Variants in TGS1 observed in about 807,000 individuals in gnomAD.
TGS1 encodes trimethylguanosine synthase.
In TGS1, 69 loss-of-function variants were observed where a neutral mutation model predicts 92.2. The observed-to-expected ratio is 0.75, with a 90% CI of 0.62 to 0.91. The LOEUF (loss-of-function observed/expected upper bound fraction) is 0.91. Ranked by LOEUF, TGS1 falls within the 40% of genes least tolerant of loss-of-function variation. The pLI, the probability that TGS1 is intolerant of heterozygous loss-of-function variation, is 0.00. For synonymous variants in TGS1, 345 were observed against 338.1 expected, an observed-to-expected ratio of 1.02 and a Z score of -0.22; for missense variants, 1,062 against 1,001.2, an observed-to-expected ratio of 1.06 and a Z score of -0.82.
chr8:55,776,004 A>G (rs1585749502), intron 1 of TGS1, among the ~76,000 whole-genome samples: 1 of 152,160 alleles, frequency 6.6e-6, no homozygotes, highest in African/African-American at 2.4e-5. Context: ...CCTTGGATCG[A>G]TTGACTGTAG....
intron 10 of TGS1, among the ~76,000 whole-genome samples, chr8:55,805,355 G>A (rs2130200527): frequency 6.6e-6 from 1 of 152,198 alleles, no homozygotes; most frequent in Non-Finnish European, 1.5e-5. Context: ...TGAATCCCTT[G>A]TAACCTAGAT....
At position 55,805,026 on chromosome 8, in the gene TGS1, A is replaced by G; in HGVS notation, c.2133A>G (p.Thr711=). The stretch of plus-strand genomic sequence containing the variant: ...GAAATACCATTCAGTTTGCCTTAAC[A>G]GGAATGAGAGGTAATTAGCCATCAA... ...VGGNTIQFAL[T]GMRVIAIDID... The change falls in exon 10 of 13, where the codon ACA becomes ACG. Residue 711 remains threonine (T), a synonymous_variant. Coordinates refer to ENST00000260129, the MANE Select transcript of TGS1 (RefSeq NM_024831.8). 1 of 1,613,556 alleles carries G rather than the reference A, an allele frequency of 6.2e-7. No individual in the cohort carries two copies. Among genetic ancestry groups the G allele is most frequent in the East Asian group, 2.2e-5 (1 of 44,852 alleles).
intron 7 of TGS1, among the ~76,000 whole-genome samples, chr8:55,798,057 A>G (rs981877785): frequency 2.0e-5 from 3 of 152,214 alleles, no homozygotes; most frequent in African/African-American, 7.2e-5. Flanking sequence ...TGTGTTGGAT[A>G]TAATAGCCCC....
At position 55,802,530 on chromosome 8, in the gene TGS1, TC is replaced by T; in HGVS notation, c.1925del (p.Pro642LeufsTer53). 6.2e-7 allele frequency: 1 copy of T among 1,614,130 alleles called. No individual in the cohort carries two copies. The highest frequency in any genetic ancestry group is 8.5e-7 in the Non-Finnish European group (1 of 1,179,978). On this transcript the variant is annotated frameshift_variant, in exon 9 of 13. Coordinates refer to ENST00000260129, the MANE Select transcript of TGS1 (RefSeq NM_024831.8). LOFTEE classifies it high-confidence loss of function. Reference protein sequence around the residue: ...NGLPPEIAAVPELAKYWAQRY... With the variant: ...NGLPPEIAAVXELAKYWAQRY... ...GTCTGCCTCCTGAAATAGCTGCTGT[TC>T]CTGAGCTGGCAAAATACTGGGCCCA...
At chr8:55,779,867 T>C (rs1811513613) in intron 1 of TGS1, among the ~76,000 whole-genome samples, 1 of 147,242 alleles carries the variant, frequency 6.8e-6, no homozygotes, top group Non-Finnish European at 1.5e-5. Flanking sequence ...TATGTATTCT[T>C]TTTTTTCCTT....
At chr8:55,777,766 A>G (rs1198372247) in intron 1 of TGS1, among the ~76,000 whole-genome samples, 4 of 150,996 alleles carry the variant, frequency 2.6e-5, no homozygotes, top group South Asian at 2.1e-4. Context: ...AACTCCTGAC[A>G]TCAAGTGATC....
chr8:55,803,692 C>T (rs1297315129), intron 9 of TGS1, among the ~76,000 whole-genome samples: 27 of 144,132 alleles, frequency 1.9e-4, no homozygotes, highest in Non-Finnish European at 3.2e-4. Context: ...TTTTTCTTTT[C>T]TTTTTTTTTT....
At chr8:55,782,190 ATTTATTTT>A (rs1159944012) in intron 1 of TGS1, among the ~76,000 whole-genome samples, 1 of 95,686 alleles carries the variant, frequency 1.0e-5, no homozygotes, top group Admixed American at 1.1e-4. Flanking sequence ...TTATTTATTT[ATTTATTTT>A]GAGATAGATT....
intron 12 of TGS1, among the ~76,000 whole-genome samples, chr8:55,816,246 T>C (rs2130245862): frequency 6.6e-6 from 1 of 152,328 alleles, no homozygotes; most frequent in South Asian, 2.1e-4. Flanking sequence ...ATGAAAGGTT[T>C]CTCTCTTAAG....
rs149502161 is a variant in TGS1 at position 55,804,956 on chromosome 8, C to T, written c.2063C>T (p.Ser688Phe). The change falls in exon 10 of 13, where the codon TCC becomes TTC. Residue 688 changes from serine to phenylalanine, a missense_variant. Physicochemically the swap from Ser to Phe is radical, Grantham distance 155 (BLOSUM62 -2). Transcript: ENST00000260129. ...AEHIAGRVSQ[S>F]FKCDVVVDAF... ...CACATTGCTGGCCGTGTTAGTCAGTCCTTCAAGTGTGACGTTGTAGTAGAC... is the reference window on the plus strand; with the variant it reads ...CACATTGCTGGCCGTGTTAGTCAGTTCTTCAAGTGTGACGTTGTAGTAGAC... 182 of 1,613,966 alleles carry T rather than the reference C, an allele frequency of 1.1e-4. 2 individuals are homozygous for T. In the South Asian group the frequency reaches 1.8e-3, roughly 16 times the overall value.
chr8:55,790,966 T>TTC (rs3058135), intron 5 of TGS1, among the ~76,000 whole-genome samples: 88,076 of 149,390 alleles, frequency 0.59, 25,931 homozygotes, highest in Admixed American at 0.65. Flanking sequence ...AATTCATATC[T>TTC]TCTCTCTCTC....
At chr8:55,778,271 C>T (rs1178662065) in intron 1 of TGS1, among the ~76,000 whole-genome samples, 1 of 147,614 alleles carries the variant, frequency 6.8e-6, no homozygotes, top group African/African-American at 2.6e-5. Context: ...TCAGTAGTGG[C>T]CTAAAAAAAA....
At chr8:55,809,136 A>T (rs1276059655) in intron 10 of TGS1, among the ~76,000 whole-genome samples, 4 of 152,230 alleles carry the variant, frequency 2.6e-5, no homozygotes, top group Non-Finnish European at 4.4e-5. Context: ...TACGCAACAT[A>T]CATACAAAAA....
At chr8:55,808,595 A>G (rs555698179) in intron 10 of TGS1, among the ~76,000 whole-genome samples, 129 of 147,610 alleles carry the variant, frequency 8.7e-4, no homozygotes, top group Non-Finnish European at 1.1e-3. Flanking sequence ...TACAACCTTC[A>G]CCTCCTGGGT....
chr8:55,799,430 T>C (rs1479587333), intron 8 of TGS1, among the ~76,000 whole-genome samples: 3 of 152,188 alleles, frequency 2.0e-5, no homozygotes, highest in Non-Finnish European at 4.4e-5. Context: ...TGAGTGAACA[T>C]GATCAAGTAG....
chr8:55,802,749 A>C, intron 9 of TGS1, 143 bp downstream of exon 9: 1 of 723,320 alleles, frequency 1.4e-6, no homozygotes, highest in African/African-American at 1.8e-5. Context: ...TTACGTTCTC[A>C]TTCTCTCTCC....
intron 12 of TGS1, among the ~76,000 whole-genome samples, chr8:55,814,848 AAG>A (rs1222347567): frequency 6.6e-6 from 1 of 150,806 alleles, no homozygotes; most frequent in East Asian, 1.9e-4. Flanking sequence ...AAAAAAAAGA[AAG>A]AAAGAAAAAC....
At position 55,801,241 on chromosome 8, in the gene TGS1, A is replaced by T. The variant is rs554352047; in HGVS notation, c.1850-1216A>T. 2.0e-5 allele frequency among the ~76,000 whole-genome samples: 3 copies of T among 152,344 alleles called. No homozygotes were observed. The East Asian group carries it at 5.8e-4, about 29-fold the overall frequency. On this transcript the variant is annotated intron_variant, in intron 8 of 12. Coordinates refer to ENST00000260129, the MANE Select transcript of TGS1 (RefSeq NM_024831.8). ...TATGTCCTGTCACTGCTGTGAATTA[A>T]GTTAGTAAAACACCACTCACTAACT... is the stretch of plus-strand genomic sequence containing the variant.
chr8:55,776,312 G>C (rs1436046449), intron 1 of TGS1, among the ~76,000 whole-genome samples: 1 of 136,974 alleles, frequency 7.3e-6, no homozygotes, highest in Non-Finnish European at 1.5e-5. Context: ...ACAGAGTCTC[G>C]CTTTGTTGCC....
Sources: gnomAD v4.1 joint callset for allele counts (sites outside exome capture counted in the v4.1 genomes callset) on GRCh38, gnomAD v4.1.1 for gene constraint, MANE v1.5 for transcripts, NCBI Gene and HGNC (gene_info 2026-07-23, HGNC 2026-07-21) for gene names.